The following RP1 variants were observed in gnomAD, a reference collection of about 807,000 sequenced individuals.
The protein encoded by RP1 is oxygen-regulated protein 1.
Under a neutral mutation model 14.8 loss-of-function variants are expected in RP1, and 16 were observed. The observed-to-expected ratio is 1.08, with a 90% CI of 0.73 to 1.65. The LOEUF is 1.65. RP1 is among the 40% of genes most tolerant of loss of function. RP1 has a pLI of 0.00. For missense variants in RP1, 2,631 were observed against 2,535.0 expected (o/e 1.04, Z -0.81); for synonymous variants, 876 against 883.6 (o/e 0.99, Z 0.15).
intron 1 of RP1, among the ~76,000 whole-genome samples, chr8:54,576,828 A>G (rs7816928): frequency 0.22 from 33,746 of 152,064 alleles, 3,954 homozygotes; most frequent in East Asian, 0.36. Context: ...GCCAACCAGA[A>G]TATGTTGGTT....
chr8:54,840,024 G>A (rs1162926950), intron 25 of RP1, among the ~76,000 whole-genome samples: 1 of 151,862 alleles, frequency 6.6e-6, no homozygotes, highest in African/African-American at 2.4e-5. Context: ...ATGATGAAGT[G>A]GGAAAAATGA....
intron 24 of RP1, among the ~76,000 whole-genome samples, chr8:54,830,266 T>C (rs1167916197): frequency 6.6e-6 from 1 of 152,056 alleles, no homozygotes; most frequent in African/African-American, 2.4e-5. Flanking sequence ...ACTCTTGTCA[T>C]AAAATGACCT....
At chr8:54,798,082 T>C (rs1810617553) in intron 24 of RP1, among the ~76,000 whole-genome samples, 1 of 152,064 alleles carries the variant, frequency 6.6e-6, no homozygotes, top group Non-Finnish European at 1.5e-5. Flanking sequence ...GGTGGGATCT[T>C]GGCTCACTGC....
At chr8:54,749,595 A>G (rs914041024) in intron 19 of RP1, among the ~76,000 whole-genome samples, 1 of 152,144 alleles carries the variant, frequency 6.6e-6, no homozygotes, top group Admixed American at 6.5e-5. Context: ...CAGGGAGGAC[A>G]TGAAAGAAAA....
At chr8:54,586,441 G>C (rs1352816005) in intron 1 of RP1, among the ~76,000 whole-genome samples, 3 of 152,196 alleles carry the variant, frequency 2.0e-5, no homozygotes, top group Non-Finnish European at 4.4e-5. Flanking sequence ...CTACTCAGGG[G>C]TCAGGGACCC....
At chr8:54,693,568 C>T (rs1171493376) in intron 12 of RP1, among the ~76,000 whole-genome samples, 1 of 152,076 alleles carries the variant, frequency 6.6e-6, no homozygotes, top group Non-Finnish European at 1.5e-5. Context: ...ATATTTTATT[C>T]TCTTTGAAGC....
chr8:54,657,474 T>C (rs1806780112), intron 6 of RP1, among the ~76,000 whole-genome samples: 1 of 152,242 alleles, frequency 6.6e-6, no homozygotes. Context: ...ATCTATAAAT[T>C]TGATAAGCCT....
chr8:54,804,843 T>C (rs1206277640), intron 24 of RP1, among the ~76,000 whole-genome samples: 2 of 152,192 alleles, frequency 1.3e-5, no homozygotes, highest in Non-Finnish European at 2.9e-5. Flanking sequence ...AGTAAGCAAT[T>C]ATATTTTAAA....
chr8:54,774,766 T>C (rs550553132), downstream of RP1, among the ~76,000 whole-genome samples: 2 of 152,076 alleles, frequency 1.3e-5, no homozygotes, highest in African/African-American at 4.8e-5. Context: ...AGTAATAAAA[T>C]ACACTCAGCA....
intron 6 of RP1, among the ~76,000 whole-genome samples, chr8:54,658,675 G>A (rs528118034): frequency 1.3e-5 from 2 of 151,994 alleles, no homozygotes; most frequent in East Asian, 3.9e-4. Context: ...TGTGAATCAT[G>A]TTGTAATGAC....
At chr8:54,562,060 T>C (rs925829669) in intron 1 of RP1, 1 of 152,180 alleles carries the variant, frequency 6.6e-6, no homozygotes, top group African/African-American at 2.4e-5. Flanking sequence ...GAATGGATGG[T>C]CCTCAAACTT....
chr8:54,739,073 G>A, intron 19 of RP1: 1 of 1,370,556 alleles, frequency 7.3e-7, no homozygotes, highest in Non-Finnish European at 9.9e-7. Flanking sequence ...ATTCTCTGAT[G>A]AAAAGAAGCA....
chr8:54,817,623 G>A (rs1218824611), intron 24 of RP1, among the ~76,000 whole-genome samples: 2 of 152,138 alleles, frequency 1.3e-5, no homozygotes, highest in Non-Finnish European at 2.9e-5. Flanking sequence ...TTATTTCTAT[G>A]AGCAAAATAA....
intron 19 of RP1, among the ~76,000 whole-genome samples, chr8:54,745,554 G>T (rs974434015): frequency 6.6e-6 from 1 of 152,102 alleles, no homozygotes; most frequent in Non-Finnish European, 1.5e-5. Context: ...AATCAGCAGG[G>T]GGAGCTCAGC....
chr8:54,675,352 T>A (rs1209421824), intron 8 of RP1, among the ~76,000 whole-genome samples: 1 of 152,074 alleles, frequency 6.6e-6, no homozygotes, highest in Admixed American at 6.6e-5. Context: ...ACAGATAATA[T>A]TGCATATAAA....
Position 54,814,195 on chromosome 8 carries a change from T to G in RP1, c.3616-23255T>G, listed in dbSNP as rs557286976. 4.6e-3 allele frequency among the ~76,000 whole-genome samples: 695 copies of G among 152,306 alleles called. 3 individuals carry two copies. The highest frequency in any genetic ancestry group is 5.8e-3 in the Non-Finnish European group (395 of 68,026). On this transcript the variant is annotated intron_variant, in intron 24 of 28. Transcript: ENST00000637698. ...TTTGGATGTAAGATTTGGTTAGTTT[T>G]AAGTAAAAAGTCAAAATTCTTAGAT...
chr8:54,774,393 T>C (rs1809985162), downstream of RP1, among the ~76,000 whole-genome samples: 1 of 152,216 alleles, frequency 6.6e-6, no homozygotes, highest in Non-Finnish European at 1.5e-5. Flanking sequence ...ACTAGGTTAA[T>C]GAATTCCAGC....
At position 54,789,573 on chromosome 8, in the gene RP1, C is replaced by T. The variant is rs138971037; in HGVS notation, c.3615+5863C>T. On this transcript the variant is annotated intron_variant, in intron 24 of 28. Transcript: ENST00000637698. ...GAGCTAGGCTAGCAATCCAGCCTAC[C>T]GTGAAGCCCAGTCTATGGCCCCTTT... Among the ~76,000 whole-genome samples the T allele has an allele frequency of 2.2e-3, 328 of 152,254 alleles. 1 individual carries two copies. Among genetic ancestry groups the T allele is most frequent in the African/African-American group, 6.7e-3 (278 of 41,542 alleles).
intron 1 of RP1, among the ~76,000 whole-genome samples, chr8:54,596,767 G>A (rs1276393611): frequency 2.0e-5 from 3 of 152,070 alleles, no homozygotes; most frequent in African/African-American, 4.8e-5. Flanking sequence ...ATTTAATTAC[G>A]ATACATTATT....
Sources: gnomAD v4.1 joint callset for allele counts (sites outside exome capture counted in the v4.1 genomes callset) on GRCh38, gnomAD v4.1.1 for gene constraint, MANE v1.5 for transcripts, NCBI Gene and HGNC (gene_info 2026-07-23, HGNC 2026-07-21) for gene names.